Variants in PEPD observed in about 807,000 individuals in gnomAD.
The protein encoded by PEPD is xaa-Pro dipeptidase.
In PEPD, 53 loss-of-function variants were observed where a neutral mutation model predicts 60.7. The ratio of observed to expected loss-of-function variants is 0.87; its 90% CI spans 0.70 to 1.10. PEPD has a LOEUF of 1.10. PEPD is among the 50% of genes least tolerant of loss of function. PEPD has a pLI of 0.00. For missense variants in PEPD, 711 were observed against 711.9 expected, an observed-to-expected ratio of 1.00 and a Z score of 0.01; for synonymous variants, 267 against 284.1, an observed-to-expected ratio of 0.94 and a Z score of 0.60.
At chr19:33,391,732 T>A (rs1005315366) in intron 12 of PEPD, among the ~76,000 whole-genome samples, 25 of 152,138 alleles carry the variant, frequency 1.6e-4, no homozygotes, top group African/African-American at 5.8e-4. Context: ...TAGGGGCAGG[T>A]TCCTGTCACC....
intron 7 of PEPD, among the ~76,000 whole-genome samples, chr19:33,469,540 CA>C (rs199571323): frequency 0.014 from 2,092 of 152,304 alleles, 23 homozygotes; most frequent in Middle Eastern, 0.037. Flanking sequence ...TCTCCTCCTC[CA>C]AACTCCCAGG....
chr19:33,437,808 C>T (rs1485445358), intron 9 of PEPD, among the ~76,000 whole-genome samples: 8 of 152,140 alleles, frequency 5.3e-5, no homozygotes, highest in Non-Finnish European at 1.0e-4. Context: ...TTTCCAAAGG[C>T]ACGCCCCGAC....
At chr19:33,398,513 G>A (rs1968418066) in intron 12 of PEPD, among the ~76,000 whole-genome samples, 1 of 152,218 alleles carries the variant, frequency 6.6e-6, no homozygotes. Context: ...CCCGGCGGAG[G>A]GCTCTCCGTG....
At chr19:33,464,955 C>T (rs763665667) in intron 7 of PEPD, among the ~76,000 whole-genome samples, 2 of 152,162 alleles carry the variant, frequency 1.3e-5, no homozygotes, top group Non-Finnish European at 2.9e-5. Flanking sequence ...TTCAGAGCAC[C>T]GGCCTGGGAG....
intron 9 of PEPD, 118 bp from the exon 10 acceptor site, chr19:33,413,761 C>T: frequency 4.4e-6 from 3 of 688,394 alleles, no homozygotes; most frequent in Admixed American, 2.0e-5. Flanking sequence ...CGTGGCCCCA[C>T]AATGGTCCAA....
At chr19:33,396,631 GC>G (rs74713374) in intron 12 of PEPD, among the ~76,000 whole-genome samples, 31,246 of 142,248 alleles carry the variant, frequency 0.22, 3,621 homozygotes, top group East Asian at 0.31. Context: ...TAGGAGCTGG[GC>G]CCCCAGTGAC....
chr19:33,397,037 G>A (rs1006801773), intron 12 of PEPD, among the ~76,000 whole-genome samples: 7 of 152,106 alleles, frequency 4.6e-5, no homozygotes, highest in African/African-American at 1.4e-4. Flanking sequence ...CAGGAGCCGC[G>A]CTGAGCTTGG....
intron 9 of PEPD, among the ~76,000 whole-genome samples, chr19:33,449,897 C>A (rs1969664871): frequency 6.6e-6 from 1 of 152,150 alleles, no homozygotes; most frequent in South Asian, 2.1e-4. Context: ...TCTCAGGTAG[C>A]AGGACCCAAG....
At chr19:33,510,868 C>G (rs1308084524) in intron 3 of PEPD, among the ~76,000 whole-genome samples, 160 bp downstream of exon 3, 1 of 152,164 alleles carries the variant, frequency 6.6e-6, no homozygotes, top group African/African-American at 2.4e-5. Flanking sequence ...AGGGCTCTGG[C>G]GAGAGGCAGG....
intron 1 of PEPD, among the ~76,000 whole-genome samples, chr19:33,518,215 T>C (rs1308055586): frequency 1.3e-5 from 2 of 152,060 alleles, no homozygotes; most frequent in East Asian, 1.9e-4. Context: ...CTGGGGCGGA[T>C]AGGGGTGCCA....
rs764034081 is a variant in PEPD, at chr19:33,387,484, G to A, written c.1345-3C>T. Reference sequence around the variant, plus strand: ...ACGACGTCCTCCTCGATGCGGACCTGGGTCAAGCCGACAGACACACATTAT... The same window carrying A: ...ACGACGTCCTCCTCGATGCGGACCTAGGTCAAGCCGACAGACACACATTAT... On this transcript the variant is annotated splice_region_variant and splice_polypyrimidine_tract_variant and intron_variant, in intron 14 of 14. Transcript: ENST00000244137. The A allele has an allele frequency of 6.2e-7, 1 of 1,613,384 alleles. No individual in the cohort carries two copies. The highest frequency in any genetic ancestry group is 8.5e-7 in the Non-Finnish European group (1 of 1,180,038).
chr19:33,483,774 T>G (rs997240151), intron 6 of PEPD, among the ~76,000 whole-genome samples: 2 of 152,114 alleles, frequency 1.3e-5, no homozygotes, highest in Non-Finnish European at 2.9e-5. Flanking sequence ...TGCACCACTG[T>G]ACTCCAGCAG....
intron 7 of PEPD, among the ~76,000 whole-genome samples, chr19:33,473,125 T>C (rs1970155847): frequency 6.6e-6 from 1 of 152,106 alleles, no homozygotes. Context: ...GCCACGCCTT[T>C]CCTTCTGTCT....
At chr19:33,461,669 C>T (rs1455101071) in intron 9 of PEPD, among the ~76,000 whole-genome samples, 1 of 152,220 alleles carries the variant, frequency 6.6e-6, no homozygotes, top group Non-Finnish European at 1.5e-5. Context: ...TCTGAGGGAC[C>T]CACTGTCCAG....
chr19:33,490,048 T>C lies in PEPD; in HGVS notation c.451A>G (p.Asn151Asp), dbSNP rs1239056260. ...CTGCAGACACTGCCGCTGTCCGTGT[T>C]GACGCCACGCTGGGGAGAGAGAACA... is the stretch of plus-strand genomic sequence containing the variant. ...PSVLLTLRGV[N>D]TDSGSVCREA... The change falls in exon 6 of 15, where the codon AAC becomes GAC. Residue 151 changes from asparagine (N) to aspartate (D), a missense_variant. Transcript: ENST00000244137. 6.2e-7 allele frequency: 1 copy of C among 1,612,166 alleles called. No individual in the cohort carries two copies. Among genetic ancestry groups the C allele is most frequent in the East Asian group, 2.2e-5 (1 of 44,832 alleles).
chr19:33,479,604 T>C (rs545036980), intron 6 of PEPD, among the ~76,000 whole-genome samples: 1 of 152,266 alleles, frequency 6.6e-6, no homozygotes, highest in African/African-American at 2.4e-5. Flanking sequence ...CCAGTGTGTG[T>C]TGTCGCCCTC....
In PEPD at chr19:33,405,659, C is replaced by T. The variant is rs913113396; in HGVS notation, c.819-3790G>A. Among the ~76,000 whole-genome samples, 4 of 152,372 alleles carry T rather than the reference C, an allele frequency of 2.6e-5. No individual in the cohort carries two copies. In the South Asian group the frequency reaches 8.3e-4, roughly 32 times the overall value. ...AGGGTGCATGGGCCGGCTGCCTGCT[C>T]CCAGCCAGGCCTTCCGTGGAGTGCC... On this transcript the variant is annotated intron_variant, in intron 11 of 14. Coordinates refer to ENST00000244137, the MANE Select transcript of PEPD (RefSeq NM_000285.4).
At chr19:33,487,474 G>A (rs1970417341) in intron 6 of PEPD, 1 of 152,304 alleles carries the variant, frequency 6.6e-6, no homozygotes, top group South Asian at 2.1e-4. Context: ...GGAGGGAGGA[G>A]AACAAGCAGG....
At chr19:33,503,139 G>C (rs895120822) in intron 3 of PEPD, among the ~76,000 whole-genome samples, 13 of 152,224 alleles carry the variant, frequency 8.5e-5, no homozygotes, top group Non-Finnish European at 1.3e-4. Context: ...AACAGAATCT[G>C]CTCCTCTCTC....
Sources: allele counts gnomAD v4.1 joint callset (sites outside exome capture counted in the v4.1 genomes callset), GRCh38; gene constraint gnomAD v4.1.1; transcripts MANE v1.5; gene names NCBI Gene and HGNC (gene_info 2026-07-23, HGNC 2026-07-21).